The following SNTG1 variants were observed in gnomAD, a reference collection of about 807,000 sequenced individuals.
SNTG1 encodes syntrophin gamma 1.
SNTG1 carries 39 observed loss-of-function variants against 74.7 expected under a neutral mutation model. The ratio of observed to expected loss-of-function variants is 0.52; its 90% CI spans 0.40 to 0.68. SNTG1 has a LOEUF of 0.68. Ranked by LOEUF, SNTG1 falls within the 30% of genes least tolerant of loss-of-function variation. SNTG1 has a pLI of 0.00. For missense variants in SNTG1, 685 were observed against 609.5 expected, an observed-to-expected ratio of 1.12 and a Z score of -1.30; for synonymous variants, 254 against 217.1, an observed-to-expected ratio of 1.17 and a Z score of -1.49.
intron 2 of SNTG1, among the ~76,000 whole-genome samples, chr8:50,181,071 T>A (rs1431643717): frequency 1.3e-5 from 2 of 152,146 alleles, no homozygotes; most frequent in Non-Finnish European, 2.9e-5. Flanking sequence ...GCCTGTGAAC[T>A]CTTGAAGAGA....
chr8:50,180,750 CTTTTTTTT>C (rs60630226), intron 2 of SNTG1, among the ~76,000 whole-genome samples: 8 of 80,662 alleles, frequency 9.9e-5, no homozygotes, highest in Admixed American at 1.7e-4. Flanking sequence ...ATTGTGAAGC[CTTTTTTTT>C]TTTTTTTTTT....
rs549525238 is a variant in SNTG1 at position 50,018,756 on chromosome 8, A to T, written c.-103+106525A>T. Among the ~76,000 whole-genome samples, 5 of 152,228 alleles carry T rather than the reference A, an allele frequency of 3.3e-5. No individual in the cohort carries two copies. In the South Asian group the frequency reaches 1.0e-3, roughly 32 times the overall value. ...TCATATATATGGATCTAGATAAATTAGATAAATGCAAATTAAAGCCACAGT... is the reference window on the plus strand; with the variant it reads ...TCATATATATGGATCTAGATAAATTTGATAAATGCAAATTAAAGCCACAGT... On this transcript the variant is annotated intron_variant, in intron 1 of 18. Coordinates refer to ENST00000642720, the MANE Select transcript of SNTG1 (RefSeq NM_018967.5).
chr8:50,194,645 T>A (rs150772763), intron 2 of SNTG1, among the ~76,000 whole-genome samples: 1 of 152,238 alleles, frequency 6.6e-6, no homozygotes, highest in East Asian at 1.9e-4. Context: ...TTTTTTGTAC[T>A]TCTTTTGGTT....
At position 50,664,870 on chromosome 8, in the gene SNTG1, A is replaced by T. The variant is rs2095242990; in HGVS notation, c.1038+6207A>T. On this transcript the variant is annotated intron_variant, in intron 15 of 18. Coordinates refer to ENST00000642720, the MANE Select transcript of SNTG1 (RefSeq NM_018967.5). ...TGTCTGTCTTCATTCATAATAGATG[A>T]GCAGTGTATCATTTGTATAAAAATG... 2.0e-5 allele frequency among the ~76,000 whole-genome samples: 3 copies of T among 152,284 alleles called. No homozygotes were observed. The Middle Eastern group carries it at 0.01, about 518-fold the overall frequency.
At chr8:50,289,246 C>A (rs1012819139) in intron 2 of SNTG1, among the ~76,000 whole-genome samples, 3 of 152,092 alleles carry the variant, frequency 2.0e-5, no homozygotes, top group Non-Finnish European at 4.4e-5. Context: ...TTATGTGGAT[C>A]CAGATGAAGC....
chr8:50,541,922 T>C (rs1439238303), intron 11 of SNTG1, among the ~76,000 whole-genome samples: 4 of 151,846 alleles, frequency 2.6e-5, no homozygotes, highest in Non-Finnish European at 5.9e-5. Flanking sequence ...ATGGAATACT[T>C]GTCTTTTTGT....
chr8:50,497,505 A>T (rs559879345), intron 8 of SNTG1, among the ~76,000 whole-genome samples: 111 of 152,154 alleles, frequency 7.3e-4, no homozygotes, highest in Admixed American at 5.9e-4. Flanking sequence ...CAATATATAG[A>T]GGTTATAATA....
chr8:50,489,222 G>A (rs913957702), intron 8 of SNTG1, among the ~76,000 whole-genome samples: 1 of 152,216 alleles, frequency 6.6e-6, no homozygotes, highest in African/African-American at 2.4e-5. Flanking sequence ...TGTGAACAGT[G>A]CTGCAATAAA....
chr8:49,952,527 G>A (rs2129393324), intron 1 of SNTG1, among the ~76,000 whole-genome samples: 1 of 152,298 alleles, frequency 6.6e-6, no homozygotes, highest in East Asian at 1.9e-4. Context: ...TGAAGAAGAT[G>A]CTAGCATAGA....
intron 1 of SNTG1, among the ~76,000 whole-genome samples, chr8:50,075,153 CT>C (rs1428871774): frequency 6.6e-6 from 1 of 152,176 alleles, no homozygotes; most frequent in Non-Finnish European, 1.5e-5. Flanking sequence ...CGCCTCCCCC[CT>C]GTGGGCTCCT....
chr8:50,318,061 C>T (rs60226910), intron 2 of SNTG1, among the ~76,000 whole-genome samples: 1,852 of 152,208 alleles, frequency 0.012, 40 homozygotes, highest in African/African-American at 0.042. Context: ...AGGTCTCGAT[C>T]TCCTGACCTC....
chr8:50,271,947 G>C (rs1375972342), intron 2 of SNTG1, among the ~76,000 whole-genome samples: 1 of 152,144 alleles, frequency 6.6e-6, no homozygotes, highest in Admixed American at 6.6e-5. Flanking sequence ...CCTCATAAAA[G>C]AGACCCCAGG....
intron 1 of SNTG1, among the ~76,000 whole-genome samples, chr8:50,106,595 G>A (rs2080381289): frequency 6.6e-6 from 1 of 152,112 alleles, no homozygotes; most frequent in Non-Finnish European, 1.5e-5. Context: ...TCAATGCCTA[G>A]TTTGTTGAGG....
chr8:50,283,758 T>C (rs1245211443), intron 2 of SNTG1, among the ~76,000 whole-genome samples: 2 of 152,152 alleles, frequency 1.3e-5, no homozygotes, highest in Non-Finnish European at 2.9e-5. Context: ...TTGAGAAAGT[T>C]GTGGTTTTCT....
chr8:50,431,885 C>T (rs1280996624), intron 4 of SNTG1, among the ~76,000 whole-genome samples: 2 of 152,036 alleles, frequency 1.3e-5, no homozygotes, highest in African/African-American at 4.8e-5. Flanking sequence ...TGTTTGTGTT[C>T]TTACTGAGTG....
At chr8:50,249,790 A>G (rs924294105) in intron 2 of SNTG1, among the ~76,000 whole-genome samples, 1 of 152,186 alleles carries the variant, frequency 6.6e-6, no homozygotes, top group Non-Finnish European at 1.5e-5. Context: ...TACATTCTCA[A>G]CCAACATCCT....
intron 4 of SNTG1, among the ~76,000 whole-genome samples, chr8:50,429,100 T>TA (rs999500937): frequency 2.0e-5 from 3 of 151,928 alleles, no homozygotes; most frequent in South Asian, 4.1e-4. Context: ...TAAATCCCTA[T>TA]AAAAAAATCC....
intron 2 of SNTG1, among the ~76,000 whole-genome samples, chr8:50,292,576 G>T (rs372822696): frequency 2.0e-5 from 3 of 152,050 alleles, no homozygotes; most frequent in Admixed American, 6.6e-5. Context: ...TGTGTCTGGC[G>T]CCCAGATGGT....
intron 1 of SNTG1, among the ~76,000 whole-genome samples, chr8:50,168,914 C>A (rs1216793183): frequency 6.6e-6 from 1 of 152,184 alleles, no homozygotes; most frequent in Non-Finnish European, 1.5e-5. Flanking sequence ...GACCTTGGTA[C>A]AACCCACAGA....
Sources: gnomAD v4.1 joint callset for allele counts (sites outside exome capture counted in the v4.1 genomes callset) on GRCh38, gnomAD v4.1.1 for gene constraint, MANE v1.5 for transcripts, NCBI Gene and HGNC (gene_info 2026-07-23, HGNC 2026-07-21) for gene names.